The following MLEC variants were observed in gnomAD, a reference collection of about 807,000 sequenced individuals.
MLEC encodes the protein malectin.
Under a neutral mutation model 28.7 loss-of-function variants are expected in MLEC, and 7 were observed. The observed-to-expected ratio is 0.24, with a 90% confidence interval of 0.14 to 0.46. The LOEUF is 0.46. Ranked by LOEUF, MLEC falls within the 20% of genes least tolerant of loss-of-function variation. MLEC has a pLI of 0.99. For synonymous variants in MLEC, 142 were observed against 164.4 expected, an observed-to-expected ratio of 0.86 and a Z score of 1.04; for missense variants, 237 against 391.1, an observed-to-expected ratio of 0.61 and a Z score of 3.32.
At chr12:120,689,317 T>C (rs973294558) in intron 1 of MLEC, among the ~76,000 whole-genome samples, 3 of 152,130 alleles carry the variant, frequency 2.0e-5, no homozygotes, top group East Asian at 1.9e-4. Flanking sequence ...AAGGAGTTTA[T>C]TGTAGCAGGT....
intron 1 of MLEC, among the ~76,000 whole-genome samples, chr12:120,691,403 T>C (rs909517480): frequency 2.6e-5 from 4 of 152,264 alleles, no homozygotes; most frequent in African/African-American, 7.2e-5. Context: ...GAAAACAACT[T>C]GTTCAGTGAC....
In MLEC at chr12:120,694,498, T is replaced by C. The variant is rs1375169409; in HGVS notation, c.414+229T>C. ...CTAACTGATCCTGTTAAGGCCCTCC[T>C]GGCTACTTCCCTCCATGGTTTGCCG... On this transcript the variant is annotated intron_variant, in intron 2 of 4. Coordinates refer to ENST00000228506, the MANE Select transcript of MLEC (RefSeq NM_014730.4). The surrounding 1 kb of genome is among the most constrained non-coding windows in gnomAD (Gnocchi z 4.5). 2.0e-5 allele frequency among the ~76,000 whole-genome samples: 3 copies of C among 152,250 alleles called. No individual in the cohort carries two copies. The highest frequency in any genetic ancestry group is 2.9e-5 in the Non-Finnish European group (2 of 68,044).
rs1174523291 is a variant in MLEC, at chr12:120,699,039, T to G, written c.*2494T>G. The G allele has an allele frequency of 1.3e-5, 2 of 152,726 alleles. No homozygotes were observed. The highest frequency in any genetic ancestry group is 6.5e-5 in the Admixed American group (1 of 15,280). 9.5% of individuals were successfully genotyped at this position (152,726 alleles called of 1,614,324 possible). A position where few individuals can be genotyped will look rare whatever the true frequency, so the allele number is the denominator to read the frequency against. Reference sequence around the variant, plus strand: ...GGGGCTGGTCACAGCTGGCTCATGATGCTGAACTTGAAAGTTTTTTTGTTT... The same window carrying G: ...GGGGCTGGTCACAGCTGGCTCATGAGGCTGAACTTGAAAGTTTTTTTGTTT... On this transcript the variant is annotated 3_prime_UTR_variant, in exon 5 of 5. Coordinates refer to ENST00000228506, the MANE Select transcript of MLEC (RefSeq NM_014730.4).
rs1396280300 is a variant in MLEC at position 120,701,599 on chromosome 12, C to G, written c.*5054C>G. On this transcript the variant is annotated 3_prime_UTR_variant, in exon 5 of 5. Coordinates refer to ENST00000228506, the MANE Select transcript of MLEC (RefSeq NM_014730.4). The surrounding 1 kb of genome is among the most constrained non-coding windows in gnomAD (Gnocchi z 4.0). ...GTAGCTTCTACCCTAGTTTCCCATC[C>G]TCTCTCTGTGGAGGCCAAACCAACT... 6.5e-6 allele frequency: 1 copy of G among 152,718 alleles called. No homozygotes were observed. The highest frequency in any genetic ancestry group is 2.4e-5 in the African/African-American group (1 of 41,456). 9.5% of individuals were successfully genotyped at this position (152,718 alleles called of 1,614,324 possible).
At position 120,699,576 on chromosome 12, in the gene MLEC, ACT is replaced by A. The variant is rs1053188567; in HGVS notation, c.*3034_*3035del. On this transcript the variant is annotated 3_prime_UTR_variant, in exon 5 of 5. Coordinates refer to ENST00000228506, the MANE Select transcript of MLEC (RefSeq NM_014730.4). The stretch of plus-strand genomic sequence containing the variant: ...GCTTACTGAAACATTGTGCCAAGAA[ACT>A]CTGTGGGATTTGTGTCCCTTAAACC... 1.3e-5 allele frequency: 2 copies of A among 152,198 alleles called. No homozygotes were observed. The highest frequency in any genetic ancestry group is 2.1e-4 in the South Asian group (1 of 4,822). 9.4% of individuals were successfully genotyped at this position (152,198 alleles called of 1,614,324 possible). A position where few individuals can be genotyped will look rare whatever the true frequency, so the allele number is the denominator to read the frequency against.
At chr12:120,688,687 T>C (rs1443538193) in intron 1 of MLEC, among the ~76,000 whole-genome samples, 2 of 152,202 alleles carry the variant, frequency 1.3e-5, no homozygotes, top group Non-Finnish European at 2.9e-5. Context: ...AAATAGTTAG[T>C]TCTTCCCAAG....
In MLEC at chr12:120,687,461, T is replaced by G; in HGVS notation, c.165T>G (p.Gly55=). ...GCGTCATTTGGGCGGTCAACGCGGG[T>G]GGAGAGGCGCATGTGGACGTGCACG... is the stretch of plus-strand genomic sequence containing the variant. ...PESVIWAVNA[G]GEAHVDVHGI... The change falls in exon 1 of 5, where the codon GGT becomes GGG. Residue 55 remains glycine (G), a synonymous_variant. Coordinates refer to ENST00000228506, the MANE Select transcript of MLEC (RefSeq NM_014730.4). The surrounding 1 kb of genome is among the most constrained non-coding windows in gnomAD (Gnocchi z 8.1). The G allele has an allele frequency of 1.4e-6, 2 of 1,412,760 alleles. No homozygotes were observed. Among genetic ancestry groups the G allele is most frequent in the South Asian group, 1.7e-5 (1 of 57,794 alleles). 87.5% of individuals were successfully genotyped at this position (1,412,760 alleles called of 1,614,324 possible).
chr12:120,698,871 C>G lies in MLEC; in HGVS notation c.*2326C>G, dbSNP rs1380979244. On this transcript the variant is annotated 3_prime_UTR_variant, in exon 5 of 5. Transcript: ENST00000228506. ...CTCAGGGTTAGGGATGGGCGCTTTC[C>G]TCTCTGGTTGTGAACGAAAGGAAGG... 1 of 152,568 alleles carries G rather than the reference C, an allele frequency of 6.6e-6. No homozygotes were observed. Among genetic ancestry groups the G allele is most frequent in the African/African-American group, 2.4e-5 (1 of 41,426 alleles). 9.5% of individuals were successfully genotyped at this position (152,568 alleles called of 1,614,324 possible).
At position 120,687,295 on chromosome 12, in the gene MLEC, C is replaced by T. The variant is rs1051980422; in HGVS notation, c.-2C>T. 21 of 1,387,122 alleles carry T rather than the reference C, an allele frequency of 1.5e-5. No individual in the cohort carries two copies. Among genetic ancestry groups the T allele is most frequent in the Non-Finnish European group, 1.6e-5 (17 of 1,076,320 alleles). The allele number at this position is 1,387,122 out of a possible 1,614,324, so 85.9% of individuals were successfully genotyped here. Reference sequence around the variant, plus strand: ...GGGGCTGCCCCCGTGGTGGTGGCCGCCATGCTGGGAGCCTGGGCGGTTGAG... The same window carrying T: ...GGGGCTGCCCCCGTGGTGGTGGCCGTCATGCTGGGAGCCTGGGCGGTTGAG... On this transcript the variant is annotated 5_prime_UTR_variant, in exon 1 of 5. Transcript: ENST00000228506. This position sits in a 1 kb window ranked among gnomAD's most constrained non-coding sequence, Gnocchi z 8.1.
chr12:120,690,736 C>T (rs1374445948), intron 1 of MLEC, among the ~76,000 whole-genome samples: 4 of 152,208 alleles, frequency 2.6e-5, no homozygotes, highest in African/African-American at 9.6e-5. Context: ...GCCTTCCTTT[C>T]ACCTGGGGAA....
rs1271632275 is a variant in MLEC at position 120,687,155 on chromosome 12, GAGA to G, written c.-136_-134del. 1.9e-5 allele frequency: 18 copies of G among 929,908 alleles called. No homozygotes were observed. The highest frequency in any genetic ancestry group is 4.3e-5 in the South Asian group (1 of 23,200). The allele number at this position is 929,908 out of a possible 1,614,324, so 57.6% of individuals were successfully genotyped here. A position where few individuals can be genotyped will look rare whatever the true frequency, so the allele number is the denominator to read the frequency against. On this transcript the variant is annotated 5_prime_UTR_variant, in exon 1 of 5. Coordinates refer to ENST00000228506, the MANE Select transcript of MLEC (RefSeq NM_014730.4). This position sits in a 1 kb window ranked among gnomAD's most constrained non-coding sequence, Gnocchi z 8.1. Reference sequence around the variant, plus strand: ...GAGGTGGGAGGCGGTACCCGTGGCTGAGAAGAAGGAGGCCTGAGAGCGACATGT... The same window carrying G: ...GAGGTGGGAGGCGGTACCCGTGGCTGAGAAGGAGGCCTGAGAGCGACATGT...
chr12:120,690,978 G>A (rs1195006937), intron 1 of MLEC, among the ~76,000 whole-genome samples: 1 of 152,122 alleles, frequency 6.6e-6, no homozygotes, highest in Non-Finnish European at 1.5e-5. Context: ...AATTCTTTAG[G>A]TACTGGCCTC....
Position 120,688,917 on chromosome 12 carries a change from C to T in MLEC, c.235+1386C>T, listed in dbSNP as rs1375774712. 2.1e-5 allele frequency among the ~76,000 whole-genome samples: 3 copies of T among 144,568 alleles called. No individual in the cohort carries two copies. The East Asian group carries it at 5.8e-4, about 28-fold the overall frequency. 94.8% of individuals were successfully genotyped at this position (144,568 alleles called of 152,430 possible). On this transcript the variant is annotated intron_variant, in intron 1 of 4. Coordinates refer to ENST00000228506, the MANE Select transcript of MLEC (RefSeq NM_014730.4). ...AAAGCCAGACTTTATAGCAGGAGGT[C>T]ATTACTATCTCTATCCTGGACCCTT...
rs1882226832 is a variant in MLEC at position 120,696,273 on chromosome 12, T to G, written c.650-43T>G. The G allele has an allele frequency of 3.1e-6, 5 of 1,607,044 alleles. No homozygotes were observed. The East Asian group carries it at 1.1e-4, about 36-fold the overall frequency. On this transcript the variant is annotated intron_variant, in intron 4 of 4. Transcript: ENST00000228506. This position sits in a 1 kb window ranked among gnomAD's most constrained non-coding sequence, Gnocchi z 5.4. ...TGCTGCTTTTAAGGGTCTCTCTTAC[T>G]TAAATGCTGTGGGTCTTAACAGTGT... is the stretch of plus-strand genomic sequence containing the variant.
Position 120,687,568 on chromosome 12 carries a change from C to A in MLEC, c.235+37C>A. On this transcript the variant is annotated intron_variant, in intron 1 of 4. Coordinates refer to ENST00000228506, the MANE Select transcript of MLEC (RefSeq NM_014730.4). The surrounding 1 kb of genome is among the most constrained non-coding windows in gnomAD (Gnocchi z 8.1). ...CCTGCCGAGCCGCGGGATCCAGGGC[C>A]TGCTGTGCTGGGCGCAGCCGGCCGG... The A allele has an allele frequency of 6.9e-7, 1 of 1,453,874 alleles. No individual in the cohort carries two copies. Among genetic ancestry groups the A allele is most frequent in the Non-Finnish European group, 9.1e-7 (1 of 1,095,668 alleles). 90.1% of individuals were successfully genotyped at this position (1,453,874 alleles called of 1,614,324 possible).
rs372616006 is a variant in MLEC, at chr12:120,696,266, C to G, written c.650-50C>G. 10 of 1,602,220 alleles carry G rather than the reference C, an allele frequency of 6.2e-6. No individual in the cohort carries two copies. In the African/African-American group the frequency reaches 1.3e-4, roughly 22 times the overall value. On this transcript the variant is annotated intron_variant, in intron 4 of 4. Coordinates refer to ENST00000228506, the MANE Select transcript of MLEC (RefSeq NM_014730.4). The surrounding 1 kb of genome is among the most constrained non-coding windows in gnomAD (Gnocchi z 5.4). The stretch of plus-strand genomic sequence containing the variant: ...GCTTATTTGCTGCTTTTAAGGGTCT[C>G]TCTTACTTAAATGCTGTGGGTCTTA...
At position 120,687,667 on chromosome 12, in the gene MLEC, C is replaced by T. The variant is rs1881880324; in HGVS notation, c.235+136C>T. The stretch of plus-strand genomic sequence containing the variant: ...GCGAAGTTTCTCTCTGCAGCTTCTT[C>T]GGGGGCCCGCTCTGAGCTCAGGGCC... On this transcript the variant is annotated intron_variant, in intron 1 of 4. Coordinates refer to ENST00000228506, the MANE Select transcript of MLEC (RefSeq NM_014730.4). This position sits in a 1 kb window ranked among gnomAD's most constrained non-coding sequence, Gnocchi z 8.1. 3.4e-6 allele frequency: 2 copies of T among 580,624 alleles called. No individual in the cohort carries two copies. The highest frequency in any genetic ancestry group is 5.4e-6 in the Non-Finnish European group (2 of 367,750). The allele number at this position is 580,624 out of a possible 1,614,324, so 36.0% of individuals were successfully genotyped here.
rs1252682409 is a variant in MLEC at position 120,698,005 on chromosome 12, G to C, written c.*1460G>C. ...GAATTCCCTGAAAAAATTTCTATAG[G>C]AAATGAAGCTTCCCTGGTCCCCTCC... On this transcript the variant is annotated 3_prime_UTR_variant, in exon 5 of 5. Coordinates refer to ENST00000228506, the MANE Select transcript of MLEC (RefSeq NM_014730.4). 6.6e-6 allele frequency: 1 copy of C among 152,066 alleles called. No homozygotes were observed. The highest frequency in any genetic ancestry group is 2.4e-5 in the African/African-American group (1 of 41,390). 9.4% of individuals were successfully genotyped at this position (152,066 alleles called of 1,614,324 possible).
intron 1 of MLEC, among the ~76,000 whole-genome samples, chr12:120,688,547 T>TA (rs1196310652): frequency 3.9e-5 from 6 of 152,214 alleles, no homozygotes; most frequent in Admixed American, 3.9e-4. Flanking sequence ...AGGAGATTGA[T>TA]ACTGTATGCT....
Sources: allele counts gnomAD v4.1 joint callset (sites outside exome capture counted in the v4.1 genomes callset), GRCh38; gene constraint gnomAD v4.1.1; non-coding constraint Gnocchi (gnomAD v3.1); transcripts MANE v1.5; gene names NCBI Gene and HGNC (gene_info 2026-07-23, HGNC 2026-07-21).